The following AGAP1 variants were observed in gnomAD, a reference collection of about 807,000 sequenced individuals.
The protein encoded by AGAP1 is arf-GAP with GTPase, ANK repeat and PH domain-containing protein 1.
AGAP1 carries 29 observed loss-of-function variants against 105.3 expected under a neutral mutation model. The ratio of observed to expected loss-of-function variants is 0.28; its 90% confidence interval spans 0.21 to 0.38. AGAP1 has a LOEUF of 0.38. AGAP1 is among the 10% of genes least tolerant of loss of function. AGAP1 has a pLI of 1.00. For synonymous variants in AGAP1, 509 were observed against 485.9 expected (o/e 1.05, Z -0.63); for missense variants, 998 against 1,165.1 (o/e 0.86, Z 2.09).
chr2:235,892,178 A>T (rs1020120306), intron 10 of AGAP1, among the ~76,000 whole-genome samples: 6 of 152,032 alleles, frequency 3.9e-5, no homozygotes, highest in South Asian at 4.2e-4. Context: ...TCCTTCTTAG[A>T]TTCCTTTCCA....
rs2058630285 is a variant in AGAP1, at chr2:236,076,127, G to A, written c.2114+26846G>A. Among the ~76,000 whole-genome samples the A allele has an allele frequency of 1.3e-5, 2 of 152,188 alleles. No individual in the cohort carries two copies. The highest frequency in any genetic ancestry group is 1.3e-4 in the Admixed American group (2 of 15,288). ...AGATCTAGGAATTGAAAGTCAGATT[G>A]GTTTCACAAGAGAATATTGTGGAGT... On this transcript the variant is annotated intron_variant, in intron 16 of 17. Coordinates refer to ENST00000304032, the MANE Select transcript of AGAP1 (RefSeq NM_001037131.3). This position sits in a 1 kb window ranked among gnomAD's most constrained non-coding sequence, Gnocchi z 4.4.
intron 1 of AGAP1, among the ~76,000 whole-genome samples, chr2:235,516,434 C>T (rs1394610201): frequency 2.6e-5 from 4 of 152,090 alleles, no homozygotes; most frequent in Non-Finnish European, 5.9e-5. Flanking sequence ...TATGTCATGT[C>T]TAAGAAGAGT....
chr2:235,894,146 A>C (rs1392583678), intron 10 of AGAP1, among the ~76,000 whole-genome samples: 1 of 152,252 alleles, frequency 6.6e-6, no homozygotes, highest in African/African-American at 2.4e-5. Flanking sequence ...TTGCTGTTCT[A>C]GCCTGAGCTG....
At chr2:235,511,680 A>G (rs1489523748) in intron 1 of AGAP1, among the ~76,000 whole-genome samples, 1 of 152,096 alleles carries the variant, frequency 6.6e-6, no homozygotes, top group East Asian at 1.9e-4. Flanking sequence ...CTTTTTGACA[A>G]TTCCGCATTC....
Position 235,690,275 on chromosome 2 carries a change from C to G in AGAP1, c.164-18904C>G, listed in dbSNP as rs1041774009. Among the ~76,000 whole-genome samples, 16 of 152,086 alleles carry G rather than the reference C, an allele frequency of 1.1e-4. No individual in the cohort carries two copies. The highest frequency in any genetic ancestry group is 9.2e-4 in the Admixed American group (14 of 15,276). ...TGTTGAGCTAAAAGGGACTCTGACCCTCCCTCCGCACCCCACCCTTTAAAG... is the reference window on the plus strand; with the variant it reads ...TGTTGAGCTAAAAGGGACTCTGACCGTCCCTCCGCACCCCACCCTTTAAAG... On this transcript the variant is annotated intron_variant, in intron 1 of 17. Coordinates refer to ENST00000304032, the MANE Select transcript of AGAP1 (RefSeq NM_001037131.3). This position sits in a 1 kb window ranked among gnomAD's most constrained non-coding sequence, Gnocchi z 4.1.
intron 9 of AGAP1, among the ~76,000 whole-genome samples, chr2:235,817,222 C>T (rs1322284694): frequency 6.6e-6 from 1 of 151,956 alleles, no homozygotes; most frequent in Non-Finnish European, 1.5e-5. Flanking sequence ...GTCAGGAAGG[C>T]CCAGACTGTG....
Position 236,127,128 on chromosome 2 carries a change from C to G in AGAP1, c.*3006C>G, listed in dbSNP as rs2060015861. ...AACCCCATGGGTGATCTGGACACATCTGCACCCCCGCGTTCAGCTTCGCGG... is the reference window on the plus strand; with the variant it reads ...AACCCCATGGGTGATCTGGACACATGTGCACCCCCGCGTTCAGCTTCGCGG... On this transcript the variant is annotated 3_prime_UTR_variant, in exon 18 of 18. Coordinates refer to ENST00000304032, the MANE Select transcript of AGAP1 (RefSeq NM_001037131.3). This position sits in a 1 kb window ranked among gnomAD's most constrained non-coding sequence, Gnocchi z 6.6. The G allele has an allele frequency of 6.6e-6, 1 of 152,274 alleles. No individual in the cohort carries two copies. Among genetic ancestry groups the G allele is most frequent in the African/African-American group, 2.4e-5 (1 of 41,468 alleles). 9.4% of individuals were successfully genotyped at this position (152,274 alleles called of 1,614,324 possible).
At position 235,599,017 on chromosome 2, in the gene AGAP1, T is replaced by A. The variant is rs551106503; in HGVS notation, c.163+104168T>A. 6.6e-6 allele frequency among the ~76,000 whole-genome samples: 1 copy of A among 152,300 alleles called. No individual in the cohort carries two copies. Among genetic ancestry groups the A allele is most frequent in the Non-Finnish European group, 1.5e-5 (1 of 68,022 alleles). On this transcript the variant is annotated intron_variant, in intron 1 of 17. Coordinates refer to ENST00000304032, the MANE Select transcript of AGAP1 (RefSeq NM_001037131.3). The surrounding 1 kb of genome is among the most constrained non-coding windows in gnomAD (Gnocchi z 5.3). Reference sequence around the variant, plus strand: ...TTGTTGACATTTGCGTCTGTGGTGGTGTACACAGATGAGCTCACTGCTGTC... The same window carrying A: ...TTGTTGACATTTGCGTCTGTGGTGGAGTACACAGATGAGCTCACTGCTGTC...
chr2:235,632,668 G>A (rs935965975), intron 1 of AGAP1, among the ~76,000 whole-genome samples: 2 of 152,158 alleles, frequency 1.3e-5, no homozygotes, highest in African/African-American at 4.8e-5. Flanking sequence ...GCTCCACCTG[G>A]CCTCCCTCTG....
chr2:235,510,131 G>T (rs1367829690), intron 1 of AGAP1, among the ~76,000 whole-genome samples: 1 of 152,196 alleles, frequency 6.6e-6, no homozygotes, highest in Non-Finnish European at 1.5e-5. Context: ...GTGAGTTGTA[G>T]AATTTTTTTC....
In AGAP1 at chr2:236,131,490, T is replaced by G. The variant is rs1164139203; in HGVS notation, c.*7368T>G. ...GTGTATCCACAGATGGGTTTAGGTTTTTTTTTTGGATGTTTTCTATTACCT... is the reference window on the plus strand; with the variant it reads ...GTGTATCCACAGATGGGTTTAGGTTGTTTTTTTGGATGTTTTCTATTACCT... On this transcript the variant is annotated 3_prime_UTR_variant, in exon 18 of 18. Coordinates refer to ENST00000304032, the MANE Select transcript of AGAP1 (RefSeq NM_001037131.3). This position sits in a 1 kb window ranked among gnomAD's most constrained non-coding sequence, Gnocchi z 5.9. 1.3e-5 allele frequency: 2 copies of G among 152,154 alleles called. No individual in the cohort carries two copies. Among genetic ancestry groups the G allele is most frequent in the Non-Finnish European group, 2.9e-5 (2 of 68,020 alleles). 9.4% of individuals were successfully genotyped at this position (152,154 alleles called of 1,614,324 possible). A position where few individuals can be genotyped will look rare whatever the true frequency, so the allele number is the denominator to read the frequency against.
chr2:235,950,500 G>A (rs576831782), intron 12 of AGAP1, among the ~76,000 whole-genome samples: 26 of 152,256 alleles, frequency 1.7e-4, no homozygotes, highest in African/African-American at 6.0e-4. Context: ...GGCAGCGCTG[G>A]GAAGGGAGGG....
In AGAP1 at chr2:235,569,659, G is replaced by T. The variant is rs953338319; in HGVS notation, c.163+74810G>T. 7.2e-5 allele frequency among the ~76,000 whole-genome samples: 11 copies of T among 152,220 alleles called. No individual in the cohort carries two copies. The highest frequency in any genetic ancestry group is 2.7e-4 in the African/African-American group (11 of 41,460). On this transcript the variant is annotated intron_variant, in intron 1 of 17. Transcript: ENST00000304032. This position sits in a 1 kb window ranked among gnomAD's most constrained non-coding sequence, Gnocchi z 5.9. ...TGTGCCCAGGTAGGGTGTGTTCACT[G>T]TGCCCCTGTGTGAGGGTTTGTAGTC...
rs920989583 is a variant in AGAP1, at chr2:236,121,040, G to A, written c.2370+593G>A. On this transcript the variant is annotated intron_variant, in intron 17 of 17. Coordinates refer to ENST00000304032, the MANE Select transcript of AGAP1 (RefSeq NM_001037131.3). The surrounding 1 kb of genome is among the most constrained non-coding windows in gnomAD (Gnocchi z 4.9). ...GTCTGAGAAGCCACGCCCACTTAGG[G>A]GCTGCCTGTGGACCCCTGGGGCTTC... Among the ~76,000 whole-genome samples the A allele has an allele frequency of 6.6e-6, 1 of 152,218 alleles. No homozygotes were observed. The highest frequency in any genetic ancestry group is 2.4e-5 in the African/African-American group (1 of 41,458).
At chr2:235,880,901 G>T (rs2049989768) in intron 9 of AGAP1, among the ~76,000 whole-genome samples, 1 of 152,208 alleles carries the variant, frequency 6.6e-6, no homozygotes, top group Admixed American at 6.5e-5. Context: ...TTCCTGCCAT[G>T]CAAGGAAGCC....
rs1298130405 is a variant in AGAP1, at chr2:235,764,664, C to T, written c.673+14176C>T. 2.0e-5 allele frequency among the ~76,000 whole-genome samples: 3 copies of T among 147,432 alleles called. No individual in the cohort carries two copies. The East Asian group carries it at 6.2e-4, about 31-fold the overall frequency. ...CCTGATGGGGGCACCTGGGAGCGCC[C>T]GTGGGGTGGGGGCATCTGGGAGCGC... On this transcript the variant is annotated intron_variant, in intron 6 of 17. Transcript: ENST00000304032.
At chr2:235,810,663 A>G (rs1330912385) in intron 9 of AGAP1, among the ~76,000 whole-genome samples, 4 of 152,146 alleles carry the variant, frequency 2.6e-5, no homozygotes, top group East Asian at 1.9e-4. Context: ...TTGCCAAATC[A>G]TGATGGTCAA....
At chr2:235,511,033 C>T (rs1040351793) in intron 1 of AGAP1, among the ~76,000 whole-genome samples, 3 of 152,074 alleles carry the variant, frequency 2.0e-5, no homozygotes, top group African/African-American at 7.2e-5. Flanking sequence ...AGCATTGTAG[C>T]CCCCAAGAGG....
rs905107082 is a variant in AGAP1 at position 235,728,638 on chromosome 2, C to T, written c.310+10994C>T. On this transcript the variant is annotated intron_variant, in intron 3 of 17. Coordinates refer to ENST00000304032, the MANE Select transcript of AGAP1 (RefSeq NM_001037131.3). This position sits in a 1 kb window ranked among gnomAD's most constrained non-coding sequence, Gnocchi z 4.3. ...CTGTTCTTGTTGTATGAGGGCAGCCCATGTCGCCAGCATTTATTTTCTGAG... is the reference window on the plus strand; with the variant it reads ...CTGTTCTTGTTGTATGAGGGCAGCCTATGTCGCCAGCATTTATTTTCTGAG... Among the ~76,000 whole-genome samples the T allele has an allele frequency of 6.6e-6, 1 of 152,070 alleles. No homozygotes were observed. Among genetic ancestry groups the T allele is most frequent in the Admixed American group, 6.5e-5 (1 of 15,268 alleles).
Sources: gnomAD v4.1 joint callset for allele counts (sites outside exome capture counted in the v4.1 genomes callset) on GRCh38, gnomAD v4.1.1 for gene constraint, Gnocchi (gnomAD v3.1) non-coding constraint, MANE v1.5 for transcripts, NCBI Gene and HGNC (gene_info 2026-07-23, HGNC 2026-07-21) for gene names.